SYCE1L: variants seen among roughly 807,000 people sequenced by gnomAD.
The protein encoded by SYCE1L is synaptonemal complex central element protein 1-like.
SYCE1L carries 51 observed loss-of-function variants against 39.6 expected under a neutral mutation model. The ratio of observed to expected loss-of-function variants is 1.29; its 90% CI spans 1.03 to 1.63. The LOEUF is 1.63. Ranked by LOEUF, SYCE1L falls within the 40% of genes most tolerant of loss-of-function variation. The probability of loss-of-function intolerance (pLI) is 0.00; values close to 1 mark genes in which losing one functional copy is unlikely to be tolerated. For synonymous variants in SYCE1L, 147 were observed against 122.4 expected, an observed-to-expected ratio of 1.20 and a Z score of -1.33; for missense variants, 426 against 304.9, an observed-to-expected ratio of 1.40 and a Z score of -2.96.
intron 1 of SYCE1L, 121 bp from the exon 2 acceptor site, chr16:77,206,320 G>C (rs9928151): frequency 0.62 from 495,621 of 793,206 alleles, 159,005 homozygotes; most frequent in Non-Finnish European, 0.67. Context: ...AAACCTGTCT[G>C]TCATTCCATC....
At chr16:77,203,500 C>T (rs1412024787) in intron 1 of SYCE1L, among the ~76,000 whole-genome samples, 2 of 151,400 alleles carry the variant, frequency 1.3e-5, no homozygotes, top group East Asian at 3.9e-4. Context: ...GTTAAAAAAC[C>T]CTGATTTACA....
At chr16:77,212,227 G>A (rs770609861) in intron 8 of SYCE1L, 28 bp downstream of exon 8, 1 of 1,543,702 alleles carries the variant, frequency 6.5e-7, no homozygotes, top group African/African-American at 1.4e-5. Context: ...GGTGGGCGGG[G>A]GGAGGGGGAT....
In SYCE1L at chr16:77,208,506, C is replaced by T. The variant is rs756637352; in HGVS notation, c.223C>T (p.Leu75Phe). The T allele has an allele frequency of 6.4e-6, 10 of 1,551,580 alleles. No individual in the cohort carries two copies. The highest frequency in any genetic ancestry group is 1.2e-5 in the South Asian group (1 of 84,072). The stretch of plus-strand genomic sequence containing the variant: ...TGAGGAACTGAGAGAGACCCACAGT[C>T]TCTGGGAGGCCCTGCATAGGGAATT... Reference protein sequence around the residue: ...SSEELRETHSLWEALHRELDS... With the variant: ...SSEELRETHSFWEALHRELDS... The change falls in exon 4 of 11, where the codon CTC (leucine) becomes TTC (phenylalanine). Residue 75 changes from leucine to phenylalanine, a missense_variant. By Grantham distance (22) the Leu-to-Phe change is conservative. Transcript: ENST00000378644.
chr16:77,203,345 C>T (rs974263643), intron 1 of SYCE1L, among the ~76,000 whole-genome samples: 5 of 151,568 alleles, frequency 3.3e-5, no homozygotes, highest in African/African-American at 1.2e-4. Flanking sequence ...AGTTATTCTA[C>T]ATGTGTTTAT....
At chr16:77,203,685 C>T (rs2054763590) in intron 1 of SYCE1L, among the ~76,000 whole-genome samples, 1 of 151,172 alleles carries the variant, frequency 6.6e-6, no homozygotes, top group Non-Finnish European at 1.5e-5. Flanking sequence ...ACCTCCATCT[C>T]CCGGGTTCTA....
chr16:77,209,380 G>A, intron 5 of SYCE1L, 37 bp from the exon 6 acceptor site: 1 of 1,551,104 alleles, frequency 6.4e-7, no homozygotes, highest in Non-Finnish European at 8.7e-7. Flanking sequence ...GACTCCCCAA[G>A]AGCTCTCAAA....
At chr16:77,199,616 TAAATA>T (rs1294865265) in intron 1 of SYCE1L, 104 bp downstream of exon 1, 15 of 997,708 alleles carry the variant, frequency 1.5e-5, no homozygotes, top group South Asian at 3.2e-5. Context: ...CTAATTTTTT[TAAATA>T]AAATGTTAAG....
At chr16:77,205,056 AAAAAG>A (rs1555502740) in intron 1 of SYCE1L, among the ~76,000 whole-genome samples, 1 of 140,668 alleles carries the variant, frequency 7.1e-6, no homozygotes, top group African/African-American at 2.7e-5. Flanking sequence ...AAAAAAAAAA[AAAAAG>A]AAAAGAAAAA....
intron 4 of SYCE1L, 124 bp from the exon 5 acceptor site, chr16:77,208,973 A>T: frequency 9.6e-7 from 1 of 1,046,962 alleles, no homozygotes; most frequent in Non-Finnish European, 1.4e-6. Flanking sequence ...CAAGGGTGGC[A>T]AGAAGATACC....
At chr16:77,211,891 G>C (rs1372517525) in intron 7 of SYCE1L, among the ~76,000 whole-genome samples, 1 of 152,154 alleles carries the variant, frequency 6.6e-6, no homozygotes, top group Non-Finnish European at 1.5e-5. Context: ...TTGGGGAATG[G>C]AGGATGAGGA....
At chr16:77,206,586 C>A (rs2054787357) in intron 2 of SYCE1L, 86 bp downstream of exon 2, 1 of 1,348,622 alleles carries the variant, frequency 7.4e-7, no homozygotes, top group African/African-American at 1.4e-5. Flanking sequence ...GAACTCACAA[C>A]CTCAGGAAAT....
intron 1 of SYCE1L, among the ~76,000 whole-genome samples, chr16:77,203,243 C>G (rs1010024766): frequency 1.3e-5 from 2 of 152,158 alleles, no homozygotes; most frequent in Admixed American, 6.5e-5. Flanking sequence ...GCAGTGGTTA[C>G]TTCTGGGAAA....
rs1305165504 is a variant in SYCE1L, at chr16:77,213,040, G to T, written c.*109G>T. The T allele has an allele frequency of 1.7e-6, 2 of 1,144,124 alleles. No individual in the cohort carries two copies. The highest frequency in any genetic ancestry group is 2.3e-6 in the Non-Finnish European group (2 of 882,108). The allele number at this position is 1,144,124 out of a possible 1,614,324, so 70.9% of individuals were successfully genotyped here. On this transcript the variant is annotated 3_prime_UTR_variant, in exon 11 of 11. Transcript: ENST00000378644. ...TCCGCGGAGTCTGTGCTACACCGTG[G>T]AGCGGGGCGGGGCGTGCTGGGATCT... is the stretch of plus-strand genomic sequence containing the variant.
intron 1 of SYCE1L, among the ~76,000 whole-genome samples, chr16:77,205,456 A>G (rs2054779752): frequency 6.7e-6 from 1 of 148,384 alleles, no homozygotes; most frequent in African/African-American, 2.5e-5. Context: ...ATATGTATAC[A>G]TACATATTTA....
chr16:77,212,313 G>T lies in SYCE1L; in HGVS notation c.525G>T (p.Val175=). The T allele has an allele frequency of 6.6e-7, 1 of 1,525,218 alleles. No homozygotes were observed. The highest frequency in any genetic ancestry group is 2.2e-5 in the Admixed American group (1 of 45,570). The allele number at this position is 1,525,218 out of a possible 1,614,324, so 94.5% of individuals were successfully genotyped here. Residue 175 remains valine, a synonymous_variant, in exon 9 of 11, where the codon GTG becomes GTT. Transcript: ENST00000378644. ...RRLVRAKLRE[V]ERRLHSPPEV... is the part of the protein sequence containing the mutation. ...TGGTGCGCGCCAAGCTGCGGGAGGTGGAGCGGCGGCTGCACTCGCCGCCTG... is the reference window on the plus strand; with the variant it reads ...TGGTGCGCGCCAAGCTGCGGGAGGTTGAGCGGCGGCTGCACTCGCCGCCTG...
rs1342674159 is a variant in SYCE1L, at chr16:77,199,487, G to A, written c.36G>A (p.Ala12=). ...AGKLKPLNVE[A]PEATEEAEGQ... ...AGCTGAAACCTCTGAATGTGGAGGC[G>A]CCAGAAGCTACTGAGGAGGCTGAAG... Residue 12 remains alanine (A), a synonymous_variant, in exon 1 of 11, where the codon GCG becomes GCA. Coordinates refer to ENST00000378644, the MANE Select transcript of SYCE1L (RefSeq NM_001129979.3). The A allele has an allele frequency of 6.4e-7, 1 of 1,551,436 alleles. No individual in the cohort carries two copies. The highest frequency in any genetic ancestry group is 8.7e-7 in the Non-Finnish European group (1 of 1,146,942).
chr16:77,201,726 G>C (rs539000758), intron 1 of SYCE1L: 4 of 152,116 alleles, frequency 2.6e-5, no homozygotes, highest in East Asian at 3.9e-4. Flanking sequence ...TGCATGCTGT[G>C]GAGTGTCTCT....
Position 77,206,902 on chromosome 16 carries a change from G to A in SYCE1L, c.121+402G>A, listed in dbSNP as rs148454094. On this transcript the variant is annotated intron_variant, in intron 2 of 10. Coordinates refer to ENST00000378644, the MANE Select transcript of SYCE1L (RefSeq NM_001129979.3). ...TTTTGCACCTTGCTTTGCTTTTTGCGGGAAACCTGGGAGCCAGTGTGCACC... is the reference window on the plus strand; with the variant it reads ...TTTTGCACCTTGCTTTGCTTTTTGCAGGAAACCTGGGAGCCAGTGTGCACC... Among the ~76,000 whole-genome samples, 4 of 152,116 alleles carry A rather than the reference G, an allele frequency of 2.6e-5. No individual in the cohort carries two copies. The East Asian group carries it at 7.8e-4, about 30-fold the overall frequency.
At chr16:77,208,137 T>A in intron 2 of SYCE1L, 73 bp from the exon 3 acceptor site, 1 of 1,387,646 alleles carries the variant, frequency 7.2e-7, no homozygotes, top group Non-Finnish European at 9.9e-7. Context: ...GCAGACACAG[T>A]GCTTCTCCGT....
Sources: allele counts gnomAD v4.1 joint callset (sites outside exome capture counted in the v4.1 genomes callset), GRCh38; gene constraint gnomAD v4.1.1; transcripts MANE v1.5; gene names NCBI Gene and HGNC (gene_info 2026-07-23, HGNC 2026-07-21).